CTNNA2: variants seen among roughly 807,000 people sequenced by gnomAD.
CTNNA2 encodes catenin alpha 2.
CTNNA2 carries 42 observed loss-of-function variants against 101.0 expected under a neutral mutation model. The ratio of observed to expected loss-of-function variants is 0.42; its 90% CI spans 0.32 to 0.54. The LOEUF (loss-of-function observed/expected upper bound fraction) is 0.54, where lower values mean the gene tolerates loss of function less well. Ranked by LOEUF, CTNNA2 falls within the 20% of genes least tolerant of loss-of-function variation. The probability of loss-of-function intolerance (pLI) is 0.14; values close to 1 mark genes in which losing one functional copy is unlikely to be tolerated. For synonymous variants in CTNNA2, 450 were observed against 456.4 expected, an observed-to-expected ratio of 0.99 and a Z score of 0.18; for missense variants, 871 against 1,223.1, an observed-to-expected ratio of 0.71 and a Z score of 4.29.
chr2:80,419,835 AT>A (rs1271932818), intron 9 of CTNNA2, among the ~76,000 whole-genome samples: 2 of 151,844 alleles, frequency 1.3e-5, no homozygotes, highest in Non-Finnish European at 2.9e-5. Context: ...CATATCTGCC[AT>A]TTTTCCTGAA....
intron 4 of CTNNA2, among the ~76,000 whole-genome samples, chr2:79,423,415 T>G (rs1204318599): frequency 6.6e-6 from 1 of 152,096 alleles, no homozygotes; most frequent in African/African-American, 2.4e-5. Context: ...AATTCCTGAT[T>G]TAAAAAAGTG....
intron 7 of CTNNA2, among the ~76,000 whole-genome samples, chr2:80,366,481 CT>C (rs1221968449): frequency 6.6e-6 from 1 of 152,040 alleles, no homozygotes; most frequent in Non-Finnish European, 1.5e-5. Flanking sequence ...TATTTGATAA[CT>C]TTTTTAGGGG....
At chr2:80,501,025 G>A (rs1271687959) in intron 9 of CTNNA2, among the ~76,000 whole-genome samples, 1 of 152,178 alleles carries the variant, frequency 6.6e-6, no homozygotes. Flanking sequence ...GAATTCAAAT[G>A]TAATGAATCT....
At chr2:80,305,163 C>A (rs916142098) in intron 7 of CTNNA2, 6 of 985,224 alleles carry the variant, frequency 6.1e-6, no homozygotes, top group Admixed American at 6.2e-5. Context: ...TGATTTGGGG[C>A]TTGGCTAAGA....
At position 80,016,669 on chromosome 2, in the gene CTNNA2, A is replaced by G. The variant is rs1694172918; in HGVS notation, c.1056+106872A>G. Reference sequence around the variant, plus strand: ...TGTCTCTTTGTAGAAATTAACTTCAAATAATAACTAACTCCTTTTATGTAT... The same window carrying G: ...TGTCTCTTTGTAGAAATTAACTTCAGATAATAACTAACTCCTTTTATGTAT... On this transcript the variant is annotated intron_variant, in intron 7 of 18. Coordinates refer to ENST00000402739, the MANE Select transcript of CTNNA2 (RefSeq NM_001282597.3). Among the ~76,000 whole-genome samples the G allele has an allele frequency of 1.3e-5, 2 of 152,276 alleles. 1 individual carries two copies. The highest frequency in any genetic ancestry group is 4.2e-4 in the South Asian group (2 of 4,814).
At chr2:80,336,438 T>C (rs1671769494) in intron 7 of CTNNA2, among the ~76,000 whole-genome samples, 1 of 152,174 alleles carries the variant, frequency 6.6e-6, no homozygotes, top group Non-Finnish European at 1.5e-5. Context: ...TTGCTATACT[T>C]GCTTTATCAG....
At chr2:79,798,661 C>T (rs1035824970) in intron 3 of CTNNA2, among the ~76,000 whole-genome samples, 19 of 148,326 alleles carry the variant, frequency 1.3e-4, no homozygotes, top group Non-Finnish European at 4.4e-5. Flanking sequence ...AAGGGGCCTT[C>T]GAAGATGACT....
chr2:79,898,441 A>G (rs1684860785), intron 6 of CTNNA2, among the ~76,000 whole-genome samples: 1 of 152,010 alleles, frequency 6.6e-6, no homozygotes, highest in African/African-American at 2.4e-5. Flanking sequence ...GGCCGGTCTT[A>G]GATTATATTG....
chr2:80,617,356 G>T (rs1698937877), intron 17 of CTNNA2, among the ~76,000 whole-genome samples: 1 of 151,516 alleles, frequency 6.6e-6, no homozygotes. Flanking sequence ...AAAGTGGAGA[G>T]AAAATAAAAC....
chr2:80,393,516 C>CCCAGAT (rs1385027737), intron 8 of CTNNA2, among the ~76,000 whole-genome samples: 1 of 152,284 alleles, frequency 6.6e-6, no homozygotes, highest in East Asian at 1.9e-4. Flanking sequence ...CTTCTCACTG[C>CCCAGAT]CCAGATCCAA....
intron 4 of CTNNA2, among the ~76,000 whole-genome samples, chr2:79,418,098 A>G (rs796089375): frequency 9.9e-5 from 15 of 152,214 alleles, no homozygotes; most frequent in African/African-American, 3.6e-4. Context: ...GTCCTCTTAC[A>G]CTGAGTCAAT....
chr2:79,340,248 A>G (rs1384869023), intron 3 of CTNNA2: 1 of 152,180 alleles, frequency 6.6e-6, no homozygotes, highest in Non-Finnish European at 1.5e-5. Context: ...TGTAACAACA[A>G]CAAAAAAACA....
rs140876671 is a variant in CTNNA2, at chr2:79,603,886, A to G, written c.-5-47666A>G. Among the ~76,000 whole-genome samples the G allele has an allele frequency of 1.4e-3, 213 of 152,246 alleles. 1 individual carries two copies. Among genetic ancestry groups the G allele is most frequent in the Non-Finnish European group, 2.4e-3 (165 of 68,024 alleles). On this transcript the variant is annotated intron_variant, in intron 1 of 18. Transcript: ENST00000402739. ...TTGAGCCAGGGAGCTGGGCTTTCTT[A>G]CTCTGCAACTGGCATTGGTTAAATG... is the stretch of plus-strand genomic sequence containing the variant.
intron 7 of CTNNA2, among the ~76,000 whole-genome samples, chr2:80,345,655 AT>A (rs1044107983): frequency 6.6e-6 from 1 of 152,074 alleles, no homozygotes; most frequent in African/African-American, 2.4e-5. Flanking sequence ...GTAGGGACTA[AT>A]TTAAAAAAAA....
At chr2:79,751,078 A>T (rs1672002514) in intron 3 of CTNNA2, among the ~76,000 whole-genome samples, 1 of 152,166 alleles carries the variant, frequency 6.6e-6, no homozygotes, top group Non-Finnish European at 1.5e-5. Flanking sequence ...GGAAAAAAAG[A>T]TACATAGCTG....
At chr2:80,508,674 C>CAA (rs34023586) in intron 9 of CTNNA2, among the ~76,000 whole-genome samples, 18 of 110,632 alleles carry the variant, frequency 1.6e-4, no homozygotes, top group African/African-American at 3.6e-4. Flanking sequence ...GGGATTTATG[C>CAA]AAAAAAAAAA....
intron 5 of CTNNA2, among the ~76,000 whole-genome samples, chr2:79,506,793 A>G (rs1328490484): frequency 6.6e-6 from 1 of 152,210 alleles, no homozygotes; most frequent in Non-Finnish European, 1.5e-5. Flanking sequence ...TCACTATGGT[A>G]TTCAGGACTG....
intron 9 of CTNNA2, among the ~76,000 whole-genome samples, chr2:80,515,138 G>A (rs554438393): frequency 6.6e-6 from 1 of 151,816 alleles, no homozygotes; most frequent in South Asian, 2.1e-4. Context: ...CAATTTCTAG[G>A]TGAATTGCCC....
intron 9 of CTNNA2, among the ~76,000 whole-genome samples, chr2:80,537,318 T>C (rs1691129831): frequency 6.6e-6 from 1 of 152,346 alleles, no homozygotes; most frequent in African/African-American, 2.4e-5. Context: ...CCTTATCAAG[T>C]CTATAATTGA....
Sources: allele counts gnomAD v4.1 joint callset (sites outside exome capture counted in the v4.1 genomes callset), GRCh38; gene constraint gnomAD v4.1.1; transcripts MANE v1.5; gene names NCBI Gene and HGNC (gene_info 2026-07-23, HGNC 2026-07-21).